The following SENP1 variants were observed in gnomAD, a reference collection of about 807,000 sequenced individuals.
SENP1 encodes SUMO specific peptidase 1.
A neutral mutation model predicts 93.0 loss-of-function variants in SENP1; 21 were observed. The ratio of observed to expected loss-of-function variants is 0.23; its 90% CI spans 0.16 to 0.33. SENP1 has a LOEUF of 0.33. Among genes scored for constraint, SENP1 ranks in the 10% least tolerant of loss-of-function variants. SENP1 has a pLI of 1.00. For synonymous variants in SENP1, 256 were observed against 259.6 expected (o/e 0.99, Z 0.13); for missense variants, 591 against 758.7 (o/e 0.78, Z 2.60).
intron 13 of SENP1, among the ~76,000 whole-genome samples, chr12:48,053,671 A>G (rs1042992581): frequency 6.6e-6 from 1 of 152,122 alleles, no homozygotes; most frequent in Non-Finnish European, 1.5e-5. Flanking sequence ...GCTGAGAGAT[A>G]TCTCTTTCTT....
chr12:48,057,295 T>C (rs868248868), intron 13 of SENP1, among the ~76,000 whole-genome samples: 1 of 147,368 alleles, frequency 6.8e-6, no homozygotes, highest in African/African-American at 2.5e-5. Flanking sequence ...AGTGGTGTGA[T>C]CTTGGCTCAC....
intron 4 of SENP1, among the ~76,000 whole-genome samples, chr12:48,093,330 A>C (rs1945336331): frequency 1.5e-5 from 2 of 131,050 alleles, no homozygotes; most frequent in South Asian, 4.8e-4. Flanking sequence ...GTCGCCCAGG[A>C]TGGAGTGCAG....
chr12:48,050,684 TAA>T (rs1941731536), intron 13 of SENP1, among the ~76,000 whole-genome samples: 1 of 152,228 alleles, frequency 6.6e-6, no homozygotes, highest in African/African-American at 2.4e-5. Context: ...ATAATGGTGC[TAA>T]AGACTGCCTC....
At position 48,055,239 on chromosome 12, in the gene SENP1, C is replaced by T. The variant is rs76795225; in HGVS notation, c.1408-6107G>A. 4.7e-3 allele frequency: 796 copies of T among 170,678 alleles called. 5 individuals carry two copies. The highest frequency in any genetic ancestry group is 0.024 in the South Asian group (185 of 7,590). The allele number at this position is 170,678 out of a possible 1,614,324, so 10.6% of individuals were successfully genotyped here. On this transcript the variant is annotated intron_variant, in intron 13 of 17. Coordinates refer to ENST00000549518, the MANE Select transcript of SENP1 (RefSeq NM_001267594.2). Reference sequence around the variant, plus strand: ...GTATCATATCACGACACTTTCCAAACGGCGATGTTCCCTTCATCTTATTAT... The same window carrying T: ...GTATCATATCACGACACTTTCCAAATGGCGATGTTCCCTTCATCTTATTAT...
At chr12:48,077,730 C>T (rs1944200942) in intron 6 of SENP1, among the ~76,000 whole-genome samples, 1 of 152,034 alleles carries the variant, frequency 6.6e-6, no homozygotes, top group African/African-American at 2.4e-5. Flanking sequence ...TATTCCTCCC[C>T]ACTCCCCCCA....
In SENP1 at chr12:48,063,846, G is replaced by C. The variant is rs1456395868; in HGVS notation, c.1276-5C>G. The C allele has an allele frequency of 6.2e-7, 1 of 1,605,842 alleles. No homozygotes were observed. The highest frequency in any genetic ancestry group is 1.3e-5 in the African/African-American group (1 of 74,802). ...CTTTATTTCTTTCTCCATTTCCTAA[G>C]AAAACAAAAGGTGTCAAGACATCAA... On this transcript the variant is annotated splice_polypyrimidine_tract_variant and splice_region_variant and intron_variant, in intron 12 of 17. Transcript: ENST00000549518.
At chr12:48,057,977 C>T (rs1186688375) in intron 13 of SENP1, among the ~76,000 whole-genome samples, 20 of 108,160 alleles carry the variant, frequency 1.8e-4, no homozygotes, top group African/African-American at 7.1e-4. Flanking sequence ...GATAAAGTCT[C>T]GCTCCATTGC....
intron 8 of SENP1, among the ~76,000 whole-genome samples, chr12:48,072,812 C>A (rs2041997607): frequency 6.6e-6 from 1 of 152,056 alleles, no homozygotes; most frequent in South Asian, 2.1e-4. Flanking sequence ...TAGGAAAAAA[C>A]ATGATGTATA....
At chr12:48,079,982 C>A (rs1168321360) in intron 6 of SENP1, 2 of 152,192 alleles carry the variant, frequency 1.3e-5, no homozygotes, top group Non-Finnish European at 2.9e-5. Context: ...TCACCTATTA[C>A]AAAAGTCCAG....
intron 3 of SENP1, among the ~76,000 whole-genome samples, chr12:48,096,889 GAACCCAGGACTTC>G (rs1945602794): frequency 6.6e-6 from 1 of 152,096 alleles, no homozygotes; most frequent in Admixed American, 6.6e-5. Context: ...AGAATCACTT[GAACCCAGGACTTC>G]AAGACTAGCA....
intron 13 of SENP1, among the ~76,000 whole-genome samples, chr12:48,050,748 G>T (rs984705101): frequency 3.3e-5 from 5 of 152,198 alleles, no homozygotes; most frequent in African/African-American, 1.2e-4. Context: ...AGCAAGTACA[G>T]ATTTCTAGGC....
Position 48,055,490 on chromosome 12 carries a change from T to C in SENP1, c.1408-6358A>G, listed in dbSNP as rs111822247. ...CTATTCTTCTGGCTCATGAGGGCCA[T>C]TGCATGCCTTTTTCCTGCCCACCAG... On this transcript the variant is annotated intron_variant, in intron 13 of 17. Transcript: ENST00000549518. 885 of 152,238 alleles carry C rather than the reference T, an allele frequency of 5.8e-3. 7 individuals are homozygous for C. The highest frequency in any genetic ancestry group is 0.016 in the East Asian group (82 of 5,188). 9.4% of individuals were successfully genotyped at this position (152,238 alleles called of 1,614,324 possible). A position where few individuals can be genotyped will look rare whatever the true frequency, so the allele number is the denominator to read the frequency against.
chr12:48,070,846 C>T (rs988789834), intron 9 of SENP1, among the ~76,000 whole-genome samples: 2 of 152,224 alleles, frequency 1.3e-5, no homozygotes, highest in South Asian at 2.1e-4. Context: ...GATCCCAGCA[C>T]TTTGGAAGGC....
Position 48,096,604 on chromosome 12 carries a change from C to T in SENP1, c.136-177G>A, listed in dbSNP as rs563088844. On this transcript the variant is annotated intron_variant, in intron 3 of 17. Coordinates refer to ENST00000549518, the MANE Select transcript of SENP1 (RefSeq NM_001267594.2). ...CTGAGTAGCTGGGATTACAGGCACG[C>T]GCCATCACACCTGGCTAATTTTTGT... 1.2e-4 allele frequency among the ~76,000 whole-genome samples: 19 copies of T among 152,082 alleles called. No individual in the cohort carries two copies. In the South Asian group the frequency reaches 3.3e-3, roughly 27 times the overall value.
At chr12:48,085,359 G>A in intron 5 of SENP1, 1 of 1,400,764 alleles carries the variant, frequency 7.1e-7, no homozygotes, top group East Asian at 2.3e-5. Flanking sequence ...CCCATATGAG[G>A]ACGCCAAGGA....
In SENP1 at chr12:48,046,921, C is replaced by A; in HGVS notation, c.1776+57G>T. The A allele has an allele frequency of 2.6e-6, 3 of 1,173,312 alleles. No individual in the cohort carries two copies. In the South Asian group the frequency reaches 3.8e-5, roughly 15 times the overall value. 72.7% of individuals were successfully genotyped at this position (1,173,312 alleles called of 1,614,324 possible). A position where few individuals can be genotyped will look rare whatever the true frequency, so the allele number is the denominator to read the frequency against. ...TCCCTGGGAATTAAGCAGTAAAATT[C>A]TTTCCTCCCCAAATACCCTACTTTT... On this transcript the variant is annotated intron_variant, in intron 16 of 17. Transcript: ENST00000549518.
intron 5 of SENP1, 114 bp downstream of exon 5, chr12:48,088,687 A>G: frequency 1.0e-6 from 1 of 986,098 alleles, no homozygotes; most frequent in South Asian, 1.5e-5. Flanking sequence ...TAAGGTTTAA[A>G]GTCCAAAAAT....
At position 48,055,163 on chromosome 12, in the gene SENP1, T is replaced by C. The variant is rs1487291203; in HGVS notation, c.1408-6031A>G. The C allele has an allele frequency of 2.3e-5, 6 of 255,326 alleles. No individual in the cohort carries two copies. The South Asian group carries it at 3.2e-4, about 14-fold the overall frequency. The allele number at this position is 255,326 out of a possible 1,614,324, so 15.8% of individuals were successfully genotyped here. On this transcript the variant is annotated intron_variant, in intron 13 of 17. Transcript: ENST00000549518. ...GCAGGGGAGCCACATTTGCCACAGGTTGACTTCTGAAGGTGGTATGCCTTA... is the reference window on the plus strand; with the variant it reads ...GCAGGGGAGCCACATTTGCCACAGGCTGACTTCTGAAGGTGGTATGCCTTA...
At chr12:48,065,284 T>C (rs1273520184) in intron 11 of SENP1, 64 bp from the exon 12 acceptor site, 27 of 1,274,134 alleles carry the variant, frequency 2.1e-5, no homozygotes, top group Non-Finnish European at 2.0e-5. Flanking sequence ...TGATTTATGA[T>C]AGGGTTATGT....
Sources: gnomAD v4.1 joint callset for allele counts (sites outside exome capture counted in the v4.1 genomes callset) on GRCh38, gnomAD v4.1.1 for gene constraint, MANE v1.5 for transcripts, NCBI Gene and HGNC (gene_info 2026-07-23, HGNC 2026-07-21) for gene names.